Variants in ADAM22 observed in about 807,000 individuals in gnomAD.
ADAM22 encodes the protein disintegrin and metalloproteinase domain-containing protein 22.
In ADAM22, 65 loss-of-function variants were observed where a neutral mutation model predicts 144.6. That is an observed-to-expected ratio of 0.45 (90% CI 0.37 to 0.55). ADAM22 has a LOEUF of 0.55. Ranked by LOEUF, ADAM22 falls within the 20% of genes least tolerant of loss-of-function variation. The pLI is 0.00. For missense variants in ADAM22, 974 were observed against 1,184.9 expected (o/e 0.82, Z 2.61); for synonymous variants, 391 against 412.6 (o/e 0.95, Z 0.63).
chr7:88,158,913 C>T (rs771798540), intron 22 of ADAM22, among the ~76,000 whole-genome samples: 2 of 151,904 alleles, frequency 1.3e-5, no homozygotes, highest in African/African-American at 4.8e-5. Flanking sequence ...AAAATCAGAG[C>T]TGACCTGAAA....
chr7:88,131,235 T>C lies in ADAM22; in HGVS notation c.826-34T>C, dbSNP rs191215682. On this transcript the variant is annotated intron_variant, in intron 10 of 31. Coordinates refer to ENST00000413139, the MANE Select transcript of ADAM22 (RefSeq NM_001324418.2). ...ATAAACTATTTGATTTTACCACATG[T>C]ACAGCTGATGTGTTCATTTTATTAA... 1.1e-4 allele frequency: 176 copies of C among 1,574,696 alleles called. 2 individuals carry two copies. In the East Asian group the frequency reaches 2.8e-3, roughly 25 times the overall value.
chr7:87,970,566 G>C (rs1850197204), intron 2 of ADAM22, among the ~76,000 whole-genome samples: 1 of 152,060 alleles, frequency 6.6e-6, no homozygotes, highest in Non-Finnish European at 1.5e-5. Context: ...TATGAATGTT[G>C]TACTGCTAAC....
chr7:88,167,336 A>G (rs1843178755), intron 24 of ADAM22, among the ~76,000 whole-genome samples: 1 of 152,128 alleles, frequency 6.6e-6, no homozygotes, highest in Admixed American at 6.6e-5. Flanking sequence ...TTATTGACCA[A>G]GCCTTTGACT....
In ADAM22 at chr7:88,151,026, G is replaced by A. The variant is rs1248563083; in HGVS notation, c.1612G>A (p.Val538Ile). Residue 538 changes from valine to isoleucine, a missense_variant, in exon 19 of 32, where the codon GTT becomes ATT. Around this residue, in one of 2 missense-constraint regions of ADAM22, gnomAD observed 734 missense variants for 950.6 expected, o/e 0.77. Coordinates refer to ENST00000413139, the MANE Select transcript of ADAM22 (RefSeq NM_001324418.2). ...HKMDGYSCDG[V>I]QGICFGGRCK... is the part of the protein sequence containing the mutation. ...AATGGATGGATATTCATGTGATGGT[G>A]TTCAGGTAGGTCACTTCATTTTTAC... 3 of 1,613,468 alleles carry A rather than the reference G, an allele frequency of 1.9e-6. No homozygotes were observed. The Admixed American group carries it at 5.0e-5, about 27-fold the overall frequency.
At chr7:88,110,017 T>G (rs903980306) in intron 5 of ADAM22, among the ~76,000 whole-genome samples, 3 of 152,164 alleles carry the variant, frequency 2.0e-5, no homozygotes, top group Non-Finnish European at 4.4e-5. Context: ...GTAAGTTAAA[T>G]AACCAGAGAC....
At chr7:88,081,067 C>T (rs535521611) in intron 4 of ADAM22, among the ~76,000 whole-genome samples, 101 of 152,194 alleles carry the variant, frequency 6.6e-4, no homozygotes, top group African/African-American at 2.3e-3. Context: ...ATAACCTTGA[C>T]GAACATTGAT....
At chr7:87,946,039 C>T (rs1280466202) in intron 2 of ADAM22, among the ~76,000 whole-genome samples, 7 of 151,402 alleles carry the variant, frequency 4.6e-5, no homozygotes, top group Non-Finnish European at 1.0e-4. Context: ...CCCTCATCAG[C>T]ATCTGTTTTT....
intron 20 of ADAM22, 105 bp downstream of exon 20, chr7:88,151,425 G>C: frequency 1.6e-6 from 2 of 1,278,354 alleles, no homozygotes; most frequent in Non-Finnish European, 2.3e-6. Flanking sequence ...ATGACTGGGG[G>C]ATTCTCAAAG....
At chr7:87,952,526 C>T (rs894656208) in intron 2 of ADAM22, among the ~76,000 whole-genome samples, 37 of 151,942 alleles carry the variant, frequency 2.4e-4, no homozygotes, top group East Asian at 5.8e-4. Flanking sequence ...TTTTGATGTG[C>T]TGCTGGATTC....
chr7:87,962,012 A>G (rs1848097087), intron 2 of ADAM22, among the ~76,000 whole-genome samples: 5 of 152,218 alleles, frequency 3.3e-5, no homozygotes, highest in Non-Finnish European at 7.3e-5. Context: ...CCTTATAGAT[A>G]ATGCTCATGC....
At chr7:87,970,894 T>C (rs186010920) in intron 2 of ADAM22, among the ~76,000 whole-genome samples, 12 of 152,322 alleles carry the variant, frequency 7.9e-5, no homozygotes, top group Admixed American at 2.6e-4. Context: ...TTATTAAGAG[T>C]TCCTGCCATT....
chr7:88,168,209 T>A lies in ADAM22; in HGVS notation c.2264T>A (p.Ile755Lys), dbSNP rs762115281. The A allele has an allele frequency of 1.9e-6, 3 of 1,613,170 alleles. No homozygotes were observed. The highest frequency in any genetic ancestry group is 2.5e-6 in the Non-Finnish European group (3 of 1,179,422). Residue 755 changes from isoleucine (I) to lysine (K), a missense_variant, in exon 25 of 32, where the codon ATA becomes AAA. Transcript: ENST00000413139. ...TTAGTGCTGGCCCTCATATTAGGAA[T>A]AACTGCGTGGGGTTATAAGTAAGTG... is the stretch of plus-strand genomic sequence containing the variant. ...TILVLALILG[I>K]TAWGYKNYRE... is the part of the protein sequence containing the mutation.
chr7:88,123,651 T>G (rs762030604), intron 7 of ADAM22, among the ~76,000 whole-genome samples: 5 of 151,940 alleles, frequency 3.3e-5, no homozygotes, highest in Non-Finnish European at 7.4e-5. Context: ...GATTTGTGTT[T>G]AGTTTGCTCT....
intron 4 of ADAM22, among the ~76,000 whole-genome samples, chr7:88,078,404 G>C (rs1336142680): frequency 6.6e-6 from 1 of 152,228 alleles, no homozygotes; most frequent in Non-Finnish European, 1.5e-5. Context: ...GGAAAAAACA[G>C]AGCAGAAAAA....
Position 88,171,543 on chromosome 7 carries a change from G to T in ADAM22, c.2283-1G>T. 1.3e-6 allele frequency: 2 copies of T among 1,592,344 alleles called. No individual in the cohort carries two copies. The highest frequency in any genetic ancestry group is 1.7e-6 in the Non-Finnish European group (2 of 1,171,860). The stretch of plus-strand genomic sequence containing the variant: ...CTCTTTCTCTTCTTGTCCATGAAAA[G>T]AAACTATCGAGAACAGAGGTATGTA... On this transcript the variant is annotated splice_acceptor_variant, in intron 25 of 31. Transcript: ENST00000413139. LOFTEE classifies it high-confidence loss of function.
intron 27 of ADAM22, among the ~76,000 whole-genome samples, chr7:88,179,341 A>G (rs1203371316): frequency 6.6e-6 from 1 of 152,050 alleles, no homozygotes; most frequent in Non-Finnish European, 1.5e-5. Context: ...GAAACTATAC[A>G]TAGTATTTAA....
At chr7:87,974,822 T>G (rs1851509251) in intron 2 of ADAM22, among the ~76,000 whole-genome samples, 1 of 152,108 alleles carries the variant, frequency 6.6e-6, no homozygotes, top group African/African-American at 2.4e-5. Context: ...CTAAGGGAGA[T>G]TCATTCCTTG....
intron 22 of ADAM22, among the ~76,000 whole-genome samples, chr7:88,156,697 A>C (rs1840043711): frequency 6.6e-6 from 1 of 152,148 alleles, no homozygotes; most frequent in Non-Finnish European, 1.5e-5. Context: ...AACTCAGCTA[A>C]ACGGGATTTG....
Position 88,141,166 on chromosome 7 carries a change from C to T in ADAM22, c.1221-1860C>T, listed in dbSNP as rs534688153. 2.6e-5 allele frequency among the ~76,000 whole-genome samples: 4 copies of T among 152,314 alleles called. No homozygotes were observed. In the East Asian group the frequency reaches 7.7e-4, roughly 29 times the overall value. On this transcript the variant is annotated intron_variant, in intron 14 of 31. Transcript: ENST00000413139. ...GTCAGTGTTTGTCGGGAGCTGGTTC[C>T]AGCTGACTAGGTGACCACATTCCAC...
Sources: allele counts gnomAD v4.1 joint callset (sites outside exome capture counted in the v4.1 genomes callset), GRCh38; gene constraint gnomAD v4.1.1; regional missense constraint gnomAD v4.1.1; transcripts MANE v1.5; gene names NCBI Gene and HGNC (gene_info 2026-07-23, HGNC 2026-07-21).